RASA1: variants seen among roughly 807,000 people sequenced by gnomAD.
RASA1 encodes the protein ras GTPase-activating protein 1.
Under a neutral mutation model 132.2 loss-of-function variants are expected in RASA1, and 25 were observed. The ratio of observed to expected loss-of-function variants is 0.19; its 90% confidence interval spans 0.14 to 0.26. The LOEUF is 0.26. Ranked by LOEUF, RASA1 falls within the 10% of genes least tolerant of loss-of-function variation. The pLI, the probability that RASA1 is intolerant of heterozygous loss-of-function variation, is 1.00. For synonymous variants in RASA1, 477 were observed against 449.9 expected (o/e 1.06, Z -0.76); for missense variants, 964 against 1,299.2 (o/e 0.74, Z 3.97).
intron 1 of RASA1, among the ~76,000 whole-genome samples, chr5:87,299,170 T>G (rs531318522): frequency 1.3e-5 from 2 of 152,210 alleles, no homozygotes; most frequent in Non-Finnish European, 1.5e-5. Context: ...AAACAAACTT[T>G]CTTGTTTAAC....
chr5:87,367,864 A>G (rs1448781685), intron 11 of RASA1, among the ~76,000 whole-genome samples: 1 of 152,072 alleles, frequency 6.6e-6, no homozygotes, highest in Non-Finnish European at 1.5e-5. Context: ...GAGGTAATGT[A>G]TCTTTGTCTT....
chr5:87,278,950 G>T lies in RASA1; in HGVS notation c.539+9960G>T, dbSNP rs576353638. Among the ~76,000 whole-genome samples the T allele has an allele frequency of 2.7e-3, 272 of 100,836 alleles. 4 individuals are homozygous for T. Among genetic ancestry groups the T allele is most frequent in the East Asian group, 4.7e-3 (14 of 2,956 alleles). The allele number at this position is 100,836 out of a possible 152,430, so 66.2% of individuals were successfully genotyped here. A position where few individuals can be genotyped will look rare whatever the true frequency, so the allele number is the denominator to read the frequency against. On this transcript the variant is annotated intron_variant, in intron 1 of 24. Transcript: ENST00000274376. ...TTTTTTTTTCCTGTGGTCATTTAAA[G>T]AAGATTATGCGGGCTGGGTGCAATG...
At chr5:87,385,262 T>G in intron 21 of RASA1, 39 bp from the exon 22 acceptor site, 1 of 1,292,490 alleles carries the variant, frequency 7.7e-7, no homozygotes. Context: ...GAAGTGCTGT[T>G]GGACTTGGTG....
intron 1 of RASA1, among the ~76,000 whole-genome samples, chr5:87,301,779 A>G (rs542798505): frequency 5.3e-5 from 8 of 151,650 alleles, no homozygotes; most frequent in African/African-American, 1.9e-4. Flanking sequence ...TTGGATTTCA[A>G]TTTTCAGATT....
chr5:87,334,001 A>G (rs1366930933), intron 4 of RASA1, among the ~76,000 whole-genome samples: 2 of 152,186 alleles, frequency 1.3e-5, no homozygotes, highest in Non-Finnish European at 2.9e-5. Context: ...TAGTGGGATC[A>G]TTTAGGACAG....
In RASA1 at chr5:87,362,679, C is replaced by T. The variant is rs1394223580; in HGVS notation, c.1453+8C>T. The stretch of plus-strand genomic sequence containing the variant: ...GTTATCTTCTGAAAAAGGGTAAGTT[C>T]AGACTTTTATCATTAACCCATTTGA... On this transcript the variant is annotated splice_region_variant and intron_variant, in intron 10 of 24. Coordinates refer to ENST00000274376, the MANE Select transcript of RASA1 (RefSeq NM_002890.3). 3.1e-6 allele frequency: 5 copies of T among 1,603,208 alleles called. No homozygotes were observed. The highest frequency in any genetic ancestry group is 1.7e-5 in the Admixed American group (1 of 59,946).
At chr5:87,287,180 ATATATACACACCG>A (rs1324366391) in intron 1 of RASA1, among the ~76,000 whole-genome samples, 2 of 147,120 alleles carry the variant, frequency 1.4e-5, no homozygotes, top group African/African-American at 2.5e-5. Flanking sequence ...CACACCATAT[ATATATACACACCG>A]TATATACACA....
chr5:87,274,199 G>T (rs1326101047), intron 1 of RASA1, among the ~76,000 whole-genome samples: 2 of 152,078 alleles, frequency 1.3e-5, no homozygotes, highest in African/African-American at 2.4e-5. Flanking sequence ...GTATTTGCCT[G>T]GCATCTGGCC....
chr5:87,349,042 T>C (rs1316169612), intron 7 of RASA1, among the ~76,000 whole-genome samples, 172 bp from the exon 8 acceptor site: 1 of 151,926 alleles, frequency 6.6e-6, no homozygotes, highest in Non-Finnish European at 1.5e-5. Context: ...ATGTGGATGG[T>C]TGTGAATCAT....
intron 18 of RASA1, among the ~76,000 whole-genome samples, chr5:87,379,468 G>A (rs1186390592): frequency 2.0e-5 from 3 of 152,224 alleles, no homozygotes; most frequent in Non-Finnish European, 4.4e-5. Context: ...CTTTTAATCA[G>A]CTTTTTTTCC....
intron 1 of RASA1, among the ~76,000 whole-genome samples, chr5:87,286,799 T>C (rs908368723): frequency 4.0e-5 from 6 of 151,040 alleles, no homozygotes; most frequent in African/African-American, 1.5e-4. Flanking sequence ...TATACACATA[T>C]GCATAAACGT....
intron 1 of RASA1, among the ~76,000 whole-genome samples, chr5:87,324,978 G>T (rs758777413): frequency 6.6e-6 from 1 of 151,902 alleles, no homozygotes; most frequent in Non-Finnish European, 1.5e-5. Context: ...ACCTTTAGCA[G>T]ACTGTATTAG....
At chr5:87,362,705 T>C in intron 10 of RASA1, 34 bp downstream of exon 10, 1 of 1,590,830 alleles carries the variant, frequency 6.3e-7, no homozygotes, top group Non-Finnish European at 8.6e-7. Flanking sequence ...ACCCATTTGA[T>C]AGAGACGTTG....
chr5:87,372,039 G>GA lies in RASA1; in HGVS notation c.1699-69dup, dbSNP rs35014912. On this transcript the variant is annotated intron_variant, in intron 12 of 24. Coordinates refer to ENST00000274376, the MANE Select transcript of RASA1 (RefSeq NM_002890.3). ...AGAGAAGGAAAAAATTGTTGAATTT[G>GA]AAAAAAAAAACCTAACTGATGATTT... The GA allele has an allele frequency of 0.78, 800,411 of 1,020,314 alleles. 291,162 individuals are homozygous for GA. Among genetic ancestry groups the GA allele is most frequent in the Middle Eastern group, 0.84 (3,763 of 4,482 alleles). 63.2% of individuals were successfully genotyped at this position (1,020,314 alleles called of 1,614,324 possible).
chr5:87,387,469 CA>C (rs1344146943), intron 23 of RASA1, among the ~76,000 whole-genome samples: 1 of 152,062 alleles, frequency 6.6e-6, no homozygotes, highest in Non-Finnish European at 1.5e-5. Flanking sequence ...CTTTCTTAAT[CA>C]AGTTAAATTT....
intron 23 of RASA1, 33 bp from the exon 24 acceptor site, chr5:87,389,360 A>G: frequency 1.2e-6 from 2 of 1,613,154 alleles, no homozygotes; most frequent in Non-Finnish European, 1.7e-6. Flanking sequence ...GAAGATTTGT[A>G]TTTCTAAATG....
At chr5:87,313,328 G>C (rs1756062823) in intron 1 of RASA1, among the ~76,000 whole-genome samples, 1 of 152,186 alleles carries the variant, frequency 6.6e-6, no homozygotes. Context: ...AAGAGTGATA[G>C]ATAACTACCA....
chr5:87,276,451 AG>A (rs995610352), intron 1 of RASA1, among the ~76,000 whole-genome samples: 22 of 152,216 alleles, frequency 1.4e-4, no homozygotes, highest in African/African-American at 4.3e-4. Context: ...TACAGGATTT[AG>A]GGTATGATGA....
chr5:87,368,755 A>T (rs1445858184), intron 11 of RASA1, among the ~76,000 whole-genome samples: 1 of 152,196 alleles, frequency 6.6e-6, no homozygotes. Context: ...TCTCAGCTAC[A>T]CAGCCAGCTT....
Sources: gnomAD v4.1 joint callset for allele counts (sites outside exome capture counted in the v4.1 genomes callset) on GRCh38, gnomAD v4.1.1 for gene constraint, MANE v1.5 for transcripts, NCBI Gene and HGNC (gene_info 2026-07-23, HGNC 2026-07-21) for gene names.